The following HPSE2 variants were observed in gnomAD, a reference collection of about 807,000 sequenced individuals.
HPSE2 encodes the protein heparanase 2 (inactive), also known as inactive heparanase-2.
HPSE2 carries 38 observed loss-of-function variants against 60.5 expected under a neutral mutation model. That is an observed-to-expected ratio of 0.63 (90% CI 0.48 to 0.82). The LOEUF (loss-of-function observed/expected upper bound fraction) is 0.82, where lower values mean the gene tolerates loss of function less well. Among genes scored for constraint, HPSE2 ranks in the 40% least tolerant of loss-of-function variants. HPSE2 has a pLI of 0.00. For synonymous variants in HPSE2, 295 were observed against 293.2 expected, an observed-to-expected ratio of 1.01 and a Z score of -0.06; for missense variants, 713 against 740.4, an observed-to-expected ratio of 0.96 and a Z score of 0.43.
chr10:98,663,802 T>A (rs1263533763), intron 6 of HPSE2, among the ~76,000 whole-genome samples: 1 of 152,108 alleles, frequency 6.6e-6, no homozygotes, highest in Non-Finnish European at 1.5e-5. Flanking sequence ...CTTGGATCCT[T>A]GAGCAGCCTG....
At chr10:99,173,943 CAAAAAAAAA>C (rs61074165) in intron 2 of HPSE2, among the ~76,000 whole-genome samples, 3 of 99,958 alleles carry the variant, frequency 3.0e-5, no homozygotes, top group Non-Finnish European at 3.6e-5. Flanking sequence ...GACTCTGTCT[CAAAAAAAAA>C]AAAAAAAAAA....
chr10:98,925,965 G>GAGTCTTC (rs369479203), intron 3 of HPSE2, among the ~76,000 whole-genome samples: 1 of 152,162 alleles, frequency 6.6e-6, no homozygotes, highest in East Asian at 1.9e-4. Context: ...TTCAACCTCT[G>GAGTCTTC]AGTCTTCTTA....
intron 6 of HPSE2, among the ~76,000 whole-genome samples, chr10:98,664,252 C>T (rs1042500505): frequency 1.3e-5 from 2 of 152,032 alleles, no homozygotes; most frequent in Non-Finnish European, 2.9e-5. Context: ...CTGGTAAACA[C>T]CCAGATGGTG....
chr10:99,069,415 C>T (rs771858409), intron 3 of HPSE2, among the ~76,000 whole-genome samples: 16 of 151,912 alleles, frequency 1.1e-4, no homozygotes, highest in African/African-American at 1.5e-4. Context: ...CTAGACCTCG[C>T]AGTTCTTAAA....
At chr10:98,529,283 G>T (rs970912668) in intron 9 of HPSE2, among the ~76,000 whole-genome samples, 1 of 152,146 alleles carries the variant, frequency 6.6e-6, no homozygotes, top group African/African-American at 2.4e-5. Flanking sequence ...GACTAACAGG[G>T]ATGAAAAACA....
rs965196300 is a variant in HPSE2, at chr10:99,126,822, C to T, written c.610+17416G>A. ...CCTGAAGATGGATCACATCATAGGACTCTTTGCAGACATTCCCCAGAACCA... is the reference window on the plus strand; with the variant it reads ...CCTGAAGATGGATCACATCATAGGATTCTTTGCAGACATTCCCCAGAACCA... On this transcript the variant is annotated intron_variant, in intron 3 of 11. Coordinates refer to ENST00000370552, the MANE Select transcript of HPSE2 (RefSeq NM_021828.5). This position sits in a 1 kb window ranked among gnomAD's most constrained non-coding sequence, Gnocchi z 4.0. Among the ~76,000 whole-genome samples, 1 of 152,198 alleles carries T rather than the reference C, an allele frequency of 6.6e-6. No individual in the cohort carries two copies. Among genetic ancestry groups the T allele is most frequent in the African/African-American group, 2.4e-5 (1 of 41,464 alleles).
chr10:98,791,478 A>G (rs568994306), intron 3 of HPSE2, among the ~76,000 whole-genome samples: 97 of 152,318 alleles, frequency 6.4e-4, no homozygotes, highest in African/African-American at 2.3e-3. Context: ...AAAGAAAAAG[A>G]AGGAAAAATA....
chr10:99,167,362 AT>A (rs1330530051), intron 2 of HPSE2, among the ~76,000 whole-genome samples: 1 of 152,058 alleles, frequency 6.6e-6, no homozygotes, highest in Non-Finnish European at 1.5e-5. Context: ...GGTCACACAG[AT>A]TTCTCCCTTT....
rs34901531 is a variant in HPSE2 at position 99,118,523 on chromosome 10, CA to C, written c.610+25714del. ...GAGCAACAGAGCAAGACTCCTTCTC[CA>C]AAAAAAAAAAAAAAAAACCATACCT... On this transcript the variant is annotated intron_variant, in intron 3 of 11. Coordinates refer to ENST00000370552, the MANE Select transcript of HPSE2 (RefSeq NM_021828.5). 8.8e-3 allele frequency among the ~76,000 whole-genome samples: 899 copies of C among 102,236 alleles called. 3 individuals carry two copies. The highest frequency in any genetic ancestry group is 0.03 in the African/African-American group (670 of 22,262). The allele number at this position is 102,236 out of a possible 152,430, so 67.1% of individuals were successfully genotyped here.
rs546445004 is a variant in HPSE2, at chr10:98,797,839, G to A, written c.611-53783C>T. 7.7e-4 allele frequency among the ~76,000 whole-genome samples: 117 copies of A among 151,518 alleles called. 1 individual carries two copies. The highest frequency in any genetic ancestry group is 1.5e-3 in the Non-Finnish European group (100 of 67,930). Reference sequence around the variant, plus strand: ...AGCCTGGGCGACAAAGTGAGACTCCGCCTCAAAAAAACAAAAAACAAAAAA... The same window carrying A: ...AGCCTGGGCGACAAAGTGAGACTCCACCTCAAAAAAACAAAAAACAAAAAA... On this transcript the variant is annotated intron_variant, in intron 3 of 11. Coordinates refer to ENST00000370552, the MANE Select transcript of HPSE2 (RefSeq NM_021828.5).
chr10:99,305,967 G>GTA, the HPSE2 span, among the ~76,000 whole-genome samples: 56 of 54,548 alleles, frequency 1.0e-3, no homozygotes, highest in Admixed American at 6.7e-3. Flanking sequence ...ACACACGCGC[G>GTA]CGCGCGCGCG....
At chr10:98,507,917 G>C (rs10736131) in intron 9 of HPSE2, among the ~76,000 whole-genome samples, 1 of 152,118 alleles carries the variant, frequency 6.6e-6, no homozygotes, top group Admixed American at 6.5e-5. Context: ...AGTTATCTTT[G>C]TGCAGAGGAT....
intron 9 of HPSE2, among the ~76,000 whole-genome samples, chr10:98,520,832 A>G (rs2133772321): frequency 1.3e-5 from 2 of 152,306 alleles, no homozygotes; most frequent in African/African-American, 4.8e-5. Context: ...CAGAAATAAC[A>G]CCACACATCT....
At chr10:99,221,560 C>T (rs1051170261) in intron 2 of HPSE2, among the ~76,000 whole-genome samples, 2 of 152,060 alleles carry the variant, frequency 1.3e-5, no homozygotes, top group East Asian at 3.9e-4. Flanking sequence ...ATAAGTGTTT[C>T]ATAAATGAAT....
intron 3 of HPSE2, among the ~76,000 whole-genome samples, chr10:98,986,844 A>T (rs924794285): frequency 5.3e-5 from 8 of 152,206 alleles, no homozygotes; most frequent in Admixed American, 3.9e-4. Flanking sequence ...ACAAACTACC[A>T]TCAGAGAATA....
At chr10:98,679,411 T>A (rs1277314511) in intron 6 of HPSE2, among the ~76,000 whole-genome samples, 2 of 152,178 alleles carry the variant, frequency 1.3e-5, no homozygotes, top group Non-Finnish European at 2.9e-5. Flanking sequence ...CCATATGACA[T>A]GTGACAATGT....
intron 3 of HPSE2, among the ~76,000 whole-genome samples, chr10:99,139,182 GAATGGAAAACC>G (rs1564838785): frequency 6.6e-6 from 1 of 152,104 alleles, no homozygotes; most frequent in South Asian, 2.1e-4. Context: ...AGTAACTCAG[GAATGGAAAACC>G]AAATAATGTA....
intron 3 of HPSE2, among the ~76,000 whole-genome samples, chr10:98,999,194 T>TGTGTGTGTGC (rs1352484631): frequency 1.3e-5 from 2 of 150,086 alleles, no homozygotes; most frequent in East Asian, 3.9e-4. Context: ...TGTGTGTGTG[T>TGTGTGTGTGC]GCATGTGTGT....
chr10:98,813,188 A>T (rs1354828633), intron 3 of HPSE2, among the ~76,000 whole-genome samples: 1 of 152,132 alleles, frequency 6.6e-6, no homozygotes, highest in Non-Finnish European at 1.5e-5. Context: ...CATTCTTACC[A>T]AGCGTTAAAC....
Sources: gnomAD v4.1 joint callset for allele counts (sites outside exome capture counted in the v4.1 genomes callset) on GRCh38, gnomAD v4.1.1 for gene constraint, Gnocchi (gnomAD v3.1) non-coding constraint, MANE v1.5 for transcripts, NCBI Gene and HGNC (gene_info 2026-07-23, HGNC 2026-07-21) for gene names.